The following UBE2E2 variants were observed in gnomAD, a reference collection of about 807,000 sequenced individuals.
UBE2E2 encodes the protein ubiquitin conjugating enzyme E2 E2.
UBE2E2 carries 6 observed loss-of-function variants against 24.7 expected under a neutral mutation model. That is an observed-to-expected ratio of 0.24 (90% CI 0.13 to 0.48). The LOEUF (loss-of-function observed/expected upper bound fraction) is 0.48, where lower values mean the gene tolerates loss of function less well. Among genes scored for constraint, UBE2E2 ranks in the 20% least tolerant of loss-of-function variants. The pLI is 0.99. For missense variants in UBE2E2, 169 were observed against 245.0 expected (o/e 0.69, Z 2.07); for synonymous variants, 104 against 83.6 (o/e 1.24, Z -1.33).
At position 23,472,653 on chromosome 3, in the gene UBE2E2, C is replaced by CTTT. The variant is rs572862770; in HGVS notation, c.228-26942_228-26940dup. Among the ~76,000 whole-genome samples the CTTT allele has an allele frequency of 6.3e-5, 9 of 143,530 alleles. 1 individual carries two copies. Among genetic ancestry groups the CTTT allele is most frequent in the East Asian group, 4.1e-4 (2 of 4,922 alleles). The allele number at this position is 143,530 out of a possible 152,430, so 94.2% of individuals were successfully genotyped here. ...GTCATTTATTATTAAATCTGTAACA[C>CTTT]TTTTTTTTTTTTTTTGAGACAGGAT... On this transcript the variant is annotated intron_variant, in intron 3 of 5. Coordinates refer to ENST00000396703, the MANE Select transcript of UBE2E2 (RefSeq NM_152653.4).
intron 3 of UBE2E2, among the ~76,000 whole-genome samples, chr3:23,395,902 A>C (rs1409031306): frequency 6.6e-6 from 1 of 152,190 alleles, no homozygotes; most frequent in Non-Finnish European, 1.5e-5. Context: ...TAAATATACA[A>C]GTGAATATAA....
At chr3:23,332,843 A>T (rs1170857066) in intron 3 of UBE2E2, among the ~76,000 whole-genome samples, 1 of 152,146 alleles carries the variant, frequency 6.6e-6, no homozygotes, top group Admixed American at 6.6e-5. Flanking sequence ...TAAGACTTGA[A>T]ATCATTTTGA....
At chr3:23,579,067 A>G (rs986761391) in intron 5 of UBE2E2, among the ~76,000 whole-genome samples, 2 of 152,204 alleles carry the variant, frequency 1.3e-5, no homozygotes, top group African/African-American at 4.8e-5. Context: ...GCCATGTATC[A>G]AGGATTAATT....
intron 3 of UBE2E2, among the ~76,000 whole-genome samples, chr3:23,432,727 T>C (rs1320603318): frequency 6.6e-6 from 1 of 151,998 alleles, no homozygotes; most frequent in Non-Finnish European, 1.5e-5. Context: ...TGAAAGAACT[T>C]TCCCAGCCAT....
intron 3 of UBE2E2, among the ~76,000 whole-genome samples, chr3:23,381,267 G>A (rs1696663174): frequency 6.6e-6 from 1 of 152,158 alleles, no homozygotes; most frequent in African/African-American, 2.4e-5. Context: ...CAGATGGTCA[G>A]GTAAGATCTC....
At chr3:23,430,292 A>G (rs1698028640) in intron 3 of UBE2E2, among the ~76,000 whole-genome samples, 2 of 152,144 alleles carry the variant, frequency 1.3e-5, no homozygotes, top group African/African-American at 4.8e-5. Context: ...CTTCCTTTCC[A>G]ATTAGTATAC....
chr3:23,398,097 G>A lies in UBE2E2; in HGVS notation c.228-101511G>A, dbSNP rs1427578291. Among the ~76,000 whole-genome samples, 6 of 152,076 alleles carry A rather than the reference G, an allele frequency of 3.9e-5. No homozygotes were observed. In the South Asian group the frequency reaches 1.0e-3, roughly 26 times the overall value. ...GGAGGCCAAGGCTGGTGGATCACCT[G>A]AGGTCAGGAGTTCGAGACCAGCCTG... On this transcript the variant is annotated intron_variant, in intron 3 of 5. Coordinates refer to ENST00000396703, the MANE Select transcript of UBE2E2 (RefSeq NM_152653.4).
At chr3:23,398,508 G>A (rs1697134814) in intron 3 of UBE2E2, among the ~76,000 whole-genome samples, 2 of 152,054 alleles carry the variant, frequency 1.3e-5, no homozygotes, top group Admixed American at 1.3e-4. Flanking sequence ...GTGATAACTT[G>A]TGGTGGGAAA....
intron 3 of UBE2E2, among the ~76,000 whole-genome samples, chr3:23,310,853 G>A (rs923168883): frequency 1.3e-5 from 2 of 152,154 alleles, no homozygotes; most frequent in Admixed American, 1.3e-4. Flanking sequence ...TTCCTAGACT[G>A]TGTAGCATGA....
intron 3 of UBE2E2, among the ~76,000 whole-genome samples, chr3:23,493,464 A>G (rs1699541157): frequency 6.6e-6 from 1 of 152,216 alleles, no homozygotes; most frequent in Non-Finnish European, 1.5e-5. Context: ...GATATTTTTC[A>G]TTCTAAAAGA....
chr3:23,204,528 T>C, intron 1 of UBE2E2: 1 of 220,772 alleles, frequency 4.5e-6, no homozygotes, highest in Non-Finnish European at 7.6e-6. Context: ...AGTATGTTTC[T>C]AGATATGTGA....
chr3:23,457,730 G>T (rs1432431789), intron 3 of UBE2E2, among the ~76,000 whole-genome samples: 1 of 152,144 alleles, frequency 6.6e-6, no homozygotes, highest in African/African-American at 2.4e-5. Flanking sequence ...TGCCCAGGCT[G>T]GTCTCAAACT....
At chr3:23,236,428 A>C (rs992392507) in intron 3 of UBE2E2, among the ~76,000 whole-genome samples, 1 of 151,460 alleles carries the variant, frequency 6.6e-6, no homozygotes, top group African/African-American at 2.4e-5. Context: ...TGTTCGTCTG[A>C]ATGTTGTCCA....
chr3:23,377,094 T>TTAG (rs1696542502), intron 3 of UBE2E2, among the ~76,000 whole-genome samples: 1 of 152,192 alleles, frequency 6.6e-6, no homozygotes, highest in Non-Finnish European at 1.5e-5. Context: ...CTAATTACTA[T>TTAG]ATTCACCCAA....
At chr3:23,448,788 G>A (rs79525284) in intron 3 of UBE2E2, among the ~76,000 whole-genome samples, 4,406 of 152,220 alleles carry the variant, frequency 0.029, 108 homozygotes, top group East Asian at 0.13. Context: ...CTTTGGGAGC[G>A]TAGTTACAAG....
intron 3 of UBE2E2, among the ~76,000 whole-genome samples, chr3:23,437,362 CT>C (rs1698207062): frequency 6.6e-6 from 1 of 152,170 alleles, no homozygotes. Context: ...CACTTAATAC[CT>C]GTGTAATTTT....
At chr3:23,571,282 T>TTC (rs1696221564) in intron 5 of UBE2E2, among the ~76,000 whole-genome samples, 1 of 64,632 alleles carries the variant, frequency 1.5e-5, no homozygotes, top group African/African-American at 6.0e-5. Flanking sequence ...GCTCCTTTCT[T>TTC]TTTTTTTTTT....
At chr3:23,270,644 G>C (rs560157950) in intron 3 of UBE2E2, among the ~76,000 whole-genome samples, 2 of 152,280 alleles carry the variant, frequency 1.3e-5, no homozygotes, top group African/African-American at 4.8e-5. Flanking sequence ...GGTCTCTGAA[G>C]CTTTCAGTCT....
In UBE2E2 at chr3:23,336,602, T is replaced by C. The variant is rs138495847; in HGVS notation, c.227+119290T>C. Among the ~76,000 whole-genome samples, 362 of 152,318 alleles carry C rather than the reference T, an allele frequency of 2.4e-3. 3 individuals are homozygous for C. Among genetic ancestry groups the C allele is most frequent in the African/African-American group, 8.3e-3 (346 of 41,570 alleles). On this transcript the variant is annotated intron_variant, in intron 3 of 5. Transcript: ENST00000396703. The stretch of plus-strand genomic sequence containing the variant: ...TTAAGCCAACATAAATGATCTTTAA[T>C]GTAAAATTGTAACAAGTACATAAAG...
Sources: allele counts gnomAD v4.1 joint callset (sites outside exome capture counted in the v4.1 genomes callset), GRCh38; gene constraint gnomAD v4.1.1; transcripts MANE v1.5; gene names NCBI Gene and HGNC (gene_info 2026-07-23, HGNC 2026-07-21).